The following MAML3 variants were observed in gnomAD, a reference collection of about 807,000 sequenced individuals.
The protein encoded by MAML3 is mastermind like transcriptional coactivator 3.
Under a neutral mutation model 101.9 loss-of-function variants are expected in MAML3, and 27 were observed. The ratio of observed to expected loss-of-function variants is 0.27; its 90% CI spans 0.20 to 0.37. The LOEUF (loss-of-function observed/expected upper bound fraction) is 0.37, where lower values mean the gene tolerates loss of function less well. Among genes scored for constraint, MAML3 ranks in the 10% least tolerant of loss-of-function variants. MAML3 has a pLI of 1.00. For missense variants in MAML3, 1,316 were observed against 1,444.9 expected (o/e 0.91, Z 1.45); for synonymous variants, 501 against 555.9 (o/e 0.90, Z 1.39).
intron 2 of MAML3, among the ~76,000 whole-genome samples, chr4:139,813,326 G>C (rs1157035169): frequency 1.3e-5 from 2 of 152,150 alleles, no homozygotes; most frequent in African/African-American, 4.8e-5. Context: ...CTTTCAGGTT[G>C]AAAGGCCCAG....
At chr4:139,914,625 CT>C (rs1422848306) in intron 1 of MAML3, among the ~76,000 whole-genome samples, 1 of 152,170 alleles carries the variant, frequency 6.6e-6, no homozygotes, top group Non-Finnish European at 1.5e-5. Context: ...AGCAACATGC[CT>C]AACCCAGATG....
chr4:140,153,470 G>A lies in MAML3; in HGVS notation c.-143C>T. ...ATGGATGGAAACGGCGATCCCGACG[G>A]GGCGAAAAAAACGGGGGGGGAGATT... On this transcript the variant is annotated 5_prime_UTR_variant, in exon 1 of 5. Coordinates refer to ENST00000509479, the MANE Select transcript of MAML3 (RefSeq NM_018717.5). 1.0e-6 allele frequency: 1 copy of A among 973,006 alleles called. No individual in the cohort carries two copies. Among genetic ancestry groups the A allele is most frequent in the Non-Finnish European group, 1.4e-6 (1 of 721,872 alleles). 60.3% of individuals were successfully genotyped at this position (973,006 alleles called of 1,614,324 possible).
intron 1 of MAML3, among the ~76,000 whole-genome samples, chr4:140,025,472 T>A (rs1369484054): frequency 6.6e-6 from 1 of 152,144 alleles, no homozygotes; most frequent in Non-Finnish European, 1.5e-5. Context: ...TGATAAAGAA[T>A]ATGGAAAGAT....
At chr4:139,970,875 T>A (rs985726347) in intron 1 of MAML3, among the ~76,000 whole-genome samples, 2 of 152,208 alleles carry the variant, frequency 1.3e-5, no homozygotes, top group Admixed American at 1.3e-4. Context: ...ACCTAGCATA[T>A]GGCAGTCAGT....
chr4:139,727,583 C>T (rs997504454), intron 3 of MAML3, among the ~76,000 whole-genome samples: 1 of 152,160 alleles, frequency 6.6e-6, no homozygotes, highest in Non-Finnish European at 1.5e-5. Context: ...CTCAGTTCCT[C>T]ATTTGTAAAA....
At chr4:140,081,165 A>C (rs1157772735) in intron 1 of MAML3, among the ~76,000 whole-genome samples, 1 of 152,180 alleles carries the variant, frequency 6.6e-6, no homozygotes, top group Non-Finnish European at 1.5e-5. Flanking sequence ...TCCTCTGCCT[A>C]GATTTTTCCC....
At chr4:139,730,158 C>G in intron 3 of MAML3, 1 of 550,574 alleles carries the variant, frequency 1.8e-6, no homozygotes. Context: ...AGACTTGAAT[C>G]AAAGAAATGT....
chr4:139,725,105 C>T (rs1409697256), intron 4 of MAML3, among the ~76,000 whole-genome samples: 3 of 152,136 alleles, frequency 2.0e-5, no homozygotes, highest in African/African-American at 2.4e-5. Context: ...TTTGAACGGG[C>T]CTTCCACATT....
rs781752940 is a variant in MAML3 at position 139,725,792 on chromosome 4, T to C, written c.2375A>G (p.Gln792Arg). 8.3e-5 allele frequency: 134 copies of C among 1,614,006 alleles called. 1 individual carries two copies. The East Asian group carries it at 2.7e-3, about 32-fold the overall frequency. ...SHLPRQHLQP[Q>R]RNPYPVQQVN... ...CTGCTGCACTGGGTATGGATTCCGC[T>C]GTGGCTGGAGGTGCTGCCGGGGTAG... The change falls in exon 4 of 5, where the codon CAG (glutamine) becomes CGG (arginine). Residue 792 changes from glutamine (Q) to arginine (R), a missense_variant. Physicochemically the swap from Gln to Arg is conservative, Grantham distance 43. Coordinates refer to ENST00000509479, the MANE Select transcript of MAML3 (RefSeq NM_018717.5).
chr4:139,930,853 T>C (rs1733377616), intron 1 of MAML3, among the ~76,000 whole-genome samples: 1 of 152,240 alleles, frequency 6.6e-6, no homozygotes, highest in East Asian at 1.9e-4. Context: ...CATGATTTTT[T>C]TTTTAAGCTT....
At chr4:139,832,753 G>A (rs1731190600) in intron 2 of MAML3, among the ~76,000 whole-genome samples, 1 of 152,178 alleles carries the variant, frequency 6.6e-6, no homozygotes, top group South Asian at 2.1e-4. Flanking sequence ...AAAGTGAAAT[G>A]TGCAGAAAGG....
intron 1 of MAML3, among the ~76,000 whole-genome samples, chr4:140,005,552 A>G (rs765371128): frequency 3.3e-5 from 5 of 152,228 alleles, no homozygotes; most frequent in Non-Finnish European, 5.9e-5. Context: ...TTGGAAAAAT[A>G]TTTCAATACC....
At chr4:140,056,243 A>G (rs1727346939) in intron 1 of MAML3, among the ~76,000 whole-genome samples, 1 of 152,144 alleles carries the variant, frequency 6.6e-6, no homozygotes, top group Non-Finnish European at 1.5e-5. Context: ...TCACCTCTCT[A>G]CATTCCAGTT....
intron 1 of MAML3, among the ~76,000 whole-genome samples, chr4:140,046,804 G>C (rs1001082031): frequency 6.6e-6 from 1 of 151,886 alleles, no homozygotes; most frequent in Admixed American, 6.6e-5. Flanking sequence ...AGGGGGAGGG[G>C]TAGGGGGGAC....
chr4:139,879,658 T>C (rs1732181536), intron 2 of MAML3, among the ~76,000 whole-genome samples: 1 of 151,392 alleles, frequency 6.6e-6, no homozygotes, highest in Admixed American at 6.6e-5. Context: ...GGGATGTTCA[T>C]TAAAATGCAC....
At chr4:140,140,354 A>T (rs1446525180) in intron 1 of MAML3, among the ~76,000 whole-genome samples, 3 of 152,268 alleles carry the variant, frequency 2.0e-5, no homozygotes, top group South Asian at 2.1e-4. Flanking sequence ...AAATTAAAAT[A>T]AAAAAGAATC....
intron 2 of MAML3, among the ~76,000 whole-genome samples, chr4:139,751,567 G>C (rs1729501683): frequency 6.6e-6 from 1 of 152,156 alleles, no homozygotes; most frequent in Non-Finnish European, 1.5e-5. Flanking sequence ...AAAAATTTTG[G>C]ATTTTGGAGG....
At chr4:139,771,488 T>C (rs948355689) in intron 2 of MAML3, among the ~76,000 whole-genome samples, 5 of 152,226 alleles carry the variant, frequency 3.3e-5, no homozygotes, top group African/African-American at 9.6e-5. Flanking sequence ...CTCCTATACT[T>C]TTCTCTCATT....
intron 1 of MAML3, among the ~76,000 whole-genome samples, chr4:140,129,592 A>G (rs765286852): frequency 1.3e-5 from 2 of 152,182 alleles, no homozygotes; most frequent in Non-Finnish European, 2.9e-5. Flanking sequence ...TGTAGAAACG[A>G]AAGGAAGAAC....
Sources: allele counts gnomAD v4.1 joint callset (sites outside exome capture counted in the v4.1 genomes callset), GRCh38; gene constraint gnomAD v4.1.1; transcripts MANE v1.5; gene names NCBI Gene and HGNC (gene_info 2026-07-23, HGNC 2026-07-21).